The following C10orf143 variants were observed in gnomAD, a reference collection of about 807,000 sequenced individuals.
C10orf143 encodes the protein chromosome 10 open reading frame 143, also known as uncharacterized protein C10orf143.
intron 1 of C10orf143, among the ~76,000 whole-genome samples, chr10:130,088,365 CA>C (rs1302289091): frequency 6.6e-6 from 1 of 152,044 alleles, no homozygotes; most frequent in Non-Finnish European, 1.5e-5. Flanking sequence ...GCCTCAGCAA[CA>C]AGAGCGAAAC....
Position 130,107,815 on chromosome 10 carries a change from T to C in C10orf143, c.69+2889A>G, listed in dbSNP as rs762990268. ...ATCCTCACAGGTCTCCTTCTGACAC[T>C]GGGTCCCTGTCACTTCCGAGGGAAC... On this transcript the variant is annotated intron_variant, in intron 1 of 3. Coordinates refer to ENST00000637128, the MANE Select transcript of C10orf143 (RefSeq NM_001355042.2). 2.4e-6 allele frequency: 3 copies of C among 1,248,262 alleles called. No individual in the cohort carries two copies. In the African/African-American group the frequency reaches 4.4e-5, roughly 18 times the overall value. The allele number at this position is 1,248,262 out of a possible 1,614,324, so 77.3% of individuals were successfully genotyped here. A position where few individuals can be genotyped will look rare whatever the true frequency, so the allele number is the denominator to read the frequency against.
chr10:130,052,912 T>C (rs1230216485), intron 3 of C10orf143, among the ~76,000 whole-genome samples: 2 of 152,174 alleles, frequency 1.3e-5, no homozygotes, highest in Non-Finnish European at 2.9e-5. Flanking sequence ...GTGGTGGAGG[T>C]CATTCGTACA....
At chr10:130,050,749 A>G (rs1031107216) in intron 3 of C10orf143, among the ~76,000 whole-genome samples, 1 of 152,228 alleles carries the variant, frequency 6.6e-6, no homozygotes, top group Non-Finnish European at 1.5e-5. Flanking sequence ...AAATTATTCT[A>G]AGAGATTGTT....
intron 3 of C10orf143, among the ~76,000 whole-genome samples, chr10:130,043,741 C>T (rs76282024): frequency 2.5e-3 from 385 of 152,364 alleles, no homozygotes; most frequent in African/African-American, 6.7e-3. Flanking sequence ...GAAGCATCTC[C>T]ACCCCACTGT....
chr10:130,036,875 C>T (rs868707913), intron 3 of C10orf143, among the ~76,000 whole-genome samples: 2 of 152,110 alleles, frequency 1.3e-5, no homozygotes, highest in Admixed American at 6.5e-5. Flanking sequence ...CCCAGCATCC[C>T]GCACTTTTTG....
At chr10:130,039,839 A>G (rs761562574) in intron 3 of C10orf143, among the ~76,000 whole-genome samples, 7 of 152,100 alleles carry the variant, frequency 4.6e-5, no homozygotes, top group Non-Finnish European at 8.8e-5. Context: ...CTCTGAGGAA[A>G]GCACAGTGGG....
At chr10:130,088,936 C>T (rs1299218192) in intron 1 of C10orf143, among the ~76,000 whole-genome samples, 2 of 152,188 alleles carry the variant, frequency 1.3e-5, no homozygotes, top group Non-Finnish European at 2.9e-5. Flanking sequence ...TACCAGGGCA[C>T]ACTGGGGCTT....
intron 1 of C10orf143, among the ~76,000 whole-genome samples, chr10:130,098,958 C>T (rs1278221236): frequency 6.6e-6 from 1 of 151,816 alleles, no homozygotes; most frequent in African/African-American, 2.4e-5. Flanking sequence ...TAGTAGTGCA[C>T]GCCTGTAAAA....
At chr10:130,035,220 C>T (rs1860531607) in intron 4 of C10orf143, among the ~76,000 whole-genome samples, 1 of 151,816 alleles carries the variant, frequency 6.6e-6, no homozygotes, top group South Asian at 2.1e-4. Flanking sequence ...CTCTGAGGTC[C>T]CTCTTCTTGG....
intron 1 of C10orf143, chr10:130,107,617 G>C (rs1176994895): frequency 1.5e-6 from 2 of 1,341,678 alleles, no homozygotes; most frequent in Admixed American, 1.7e-5. Context: ...CATTGGGTCG[G>C]CCTTCATCTG....
intron 1 of C10orf143, chr10:130,101,204 G>A (rs1303207797): frequency 2.0e-5 from 3 of 150,700 alleles, no homozygotes; most frequent in African/African-American, 7.3e-5. Context: ...GGGCAACAGA[G>A]ACTCTGTCTG....
chr10:130,045,572 A>G (rs1388661956), intron 3 of C10orf143, among the ~76,000 whole-genome samples: 1 of 152,208 alleles, frequency 6.6e-6, no homozygotes, highest in Non-Finnish European at 1.5e-5. Context: ...AGCTGCCTCC[A>G]GACCTTCGTT....
chr10:130,098,865 T>C (rs577106342), intron 1 of C10orf143, among the ~76,000 whole-genome samples: 1 of 152,178 alleles, frequency 6.6e-6, no homozygotes, highest in South Asian at 2.1e-4. Flanking sequence ...GGTGGGTGGA[T>C]CACTGAGATC....
intron 3 of C10orf143, among the ~76,000 whole-genome samples, chr10:130,053,401 G>A (rs1482199633): frequency 6.6e-6 from 1 of 152,182 alleles, no homozygotes; most frequent in Non-Finnish European, 1.5e-5. Flanking sequence ...CTGATGGAGA[G>A]CTTGAAAGAA....
intron 3 of C10orf143, among the ~76,000 whole-genome samples, chr10:130,053,061 T>TGTTG (rs1184824446): frequency 6.7e-6 from 1 of 150,280 alleles, no homozygotes; most frequent in African/African-American, 2.4e-5. Context: ...AAGTGTTTTT[T>TGTTG]GTTTGTTTGT....
intron 3 of C10orf143, among the ~76,000 whole-genome samples, chr10:130,043,462 C>T (rs894189236): frequency 3.3e-5 from 5 of 152,130 alleles, no homozygotes; most frequent in Admixed American, 6.5e-5. Flanking sequence ...GGAAAAAGCC[C>T]CGCCCCTCTG....
chr10:130,099,611 A>T (rs929200531), intron 1 of C10orf143, among the ~76,000 whole-genome samples: 4 of 151,892 alleles, frequency 2.6e-5, no homozygotes, highest in Non-Finnish European at 5.9e-5. Context: ...ATCTCGGCTC[A>T]GTGCAACCTC....
intron 1 of C10orf143, among the ~76,000 whole-genome samples, chr10:130,080,496 C>G (rs192832636): frequency 6.6e-6 from 1 of 152,206 alleles, no homozygotes. Flanking sequence ...TTTGAAAGTC[C>G]CAAGACTTTG....
At chr10:130,054,643 G>GGGTAT (rs1195972388) in intron 3 of C10orf143, among the ~76,000 whole-genome samples, 3 of 152,174 alleles carry the variant, frequency 2.0e-5, no homozygotes, top group Non-Finnish European at 2.9e-5. Flanking sequence ...TACCAACAGT[G>GGGTAT]GGTATGGCTG....
Sources: gnomAD v4.1 joint callset for allele counts (sites outside exome capture counted in the v4.1 genomes callset) on GRCh38, gnomAD v4.1.1 for gene constraint, MANE v1.5 for transcripts, NCBI Gene and HGNC (gene_info 2026-07-23, HGNC 2026-07-21) for gene names.